Variants in WDR7 observed in about 807,000 individuals in gnomAD.
WDR7 encodes the protein WD repeat-containing protein 7.
A neutral mutation model predicts 169.4 loss-of-function variants in WDR7; 46 were observed. The observed-to-expected ratio is 0.27, with a 90% CI of 0.21 to 0.35. The LOEUF (loss-of-function observed/expected upper bound fraction) is 0.35, where lower values mean the gene tolerates loss of function less well. WDR7 is among the 10% of genes least tolerant of loss of function. The pLI is 1.00. For synonymous variants in WDR7, 612 were observed against 666.8 expected (o/e 0.92, Z 1.27); for missense variants, 1,534 against 1,859.3 (o/e 0.83, Z 3.22).
At chr18:56,849,744 CT>C in intron 20 of WDR7, among the ~76,000 whole-genome samples, 1 of 152,034 alleles carries the variant, frequency 6.6e-6, no homozygotes, top group Non-Finnish European at 1.5e-5. Flanking sequence ...TTTCCAATAG[CT>C]TTTTTAAAAC....
At chr18:56,779,637 A>G in intron 18 of WDR7, 88 bp downstream of exon 18, 1 of 925,890 alleles carries the variant, frequency 1.1e-6, no homozygotes, top group Non-Finnish European at 1.6e-6. Context: ...ATTACTGTTT[A>G]TCTGATTTAT....
chr18:56,660,187 G>A (rs1293279624), intron 1 of WDR7, among the ~76,000 whole-genome samples: 1 of 152,102 alleles, frequency 6.6e-6, no homozygotes, highest in East Asian at 1.9e-4. Context: ...TGTGGGAGGG[G>A]CACCATTGAG....
chr18:56,669,777 AT>A lies in WDR7; in HGVS notation c.-19-2712del, dbSNP rs564396154. Among the ~76,000 whole-genome samples the A allele has an allele frequency of 8.9e-3, 1,347 of 152,038 alleles. 20 individuals are homozygous for A. Among genetic ancestry groups the A allele is most frequent in the African/African-American group, 0.031 (1,288 of 41,482 alleles). On this transcript the variant is annotated intron_variant, in intron 1 of 27. Transcript: ENST00000254442. ...TTTTGGCACTTTCCATAAAAATATA[AT>A]TTTTTTTATCCCAATAAATCCTGTC...
intron 14 of WDR7, among the ~76,000 whole-genome samples, chr18:56,749,050 C>G (rs2043747297): frequency 6.6e-6 from 1 of 151,834 alleles, no homozygotes; most frequent in Non-Finnish European, 1.5e-5. Flanking sequence ...TTTCCCTTAG[C>G]TATTTAAAAA....
chr18:56,799,823 AC>A (rs112075748), intron 19 of WDR7, among the ~76,000 whole-genome samples: 23,102 of 152,106 alleles, frequency 0.15, 2,418 homozygotes, highest in African/African-American at 0.3. Flanking sequence ...TATTCATTTA[AC>A]CTCCTTTAAA....
intron 20 of WDR7, among the ~76,000 whole-genome samples, chr18:56,824,562 A>C (rs1342373483): frequency 6.6e-6 from 1 of 152,200 alleles, no homozygotes; most frequent in Non-Finnish European, 1.5e-5. Flanking sequence ...CACATTTGCT[A>C]TATCCTTCCT....
intron 12 of WDR7, among the ~76,000 whole-genome samples, chr18:56,713,760 G>T (rs2144722506): frequency 6.6e-6 from 1 of 152,272 alleles, no homozygotes; most frequent in Non-Finnish European, 1.5e-5. Context: ...CAGATCTCTA[G>T]AATTTAATAA....
intron 19 of WDR7, among the ~76,000 whole-genome samples, chr18:56,786,182 GA>G (rs1038345374): frequency 6.6e-6 from 1 of 152,020 alleles, no homozygotes; most frequent in Non-Finnish European, 1.5e-5. Flanking sequence ...CACTGGGGAA[GA>G]AAAAGGAGCA....
chr18:56,691,441 A>C, intron 8 of WDR7, 80 bp downstream of exon 8: 2 of 1,395,620 alleles, frequency 1.4e-6, no homozygotes, highest in South Asian at 1.6e-5. Flanking sequence ...CTTTAAGAAA[A>C]TGTATGTATT....
chr18:56,975,477 G>A (rs2047552658), intron 26 of WDR7, among the ~76,000 whole-genome samples: 1 of 152,104 alleles, frequency 6.6e-6, no homozygotes, highest in Non-Finnish European at 1.5e-5. Context: ...ATGGTTAGGA[G>A]GAATGAGATT....
At chr18:56,998,876 T>C (rs1472046391) in intron 26 of WDR7, among the ~76,000 whole-genome samples, 1 of 152,220 alleles carries the variant, frequency 6.6e-6, no homozygotes, top group Admixed American at 6.5e-5. Flanking sequence ...AAATACTGAA[T>C]ACTTAAGAAA....
chr18:56,859,843 C>G (rs1203632428), intron 20 of WDR7, among the ~76,000 whole-genome samples: 2 of 152,066 alleles, frequency 1.3e-5, no homozygotes, highest in African/African-American at 4.8e-5. Flanking sequence ...CCGGGTAGTC[C>G]GGCTCTTCAC....
intron 26 of WDR7, among the ~76,000 whole-genome samples, chr18:56,984,481 C>T (rs2047686464): frequency 6.6e-6 from 1 of 152,124 alleles, no homozygotes; most frequent in Non-Finnish European, 1.5e-5. Context: ...TAATGATAAA[C>T]ATGAGCATGA....
At chr18:56,806,443 A>C (rs1463753420) in intron 19 of WDR7, among the ~76,000 whole-genome samples, 1 of 152,142 alleles carries the variant, frequency 6.6e-6, no homozygotes, top group Non-Finnish European at 1.5e-5. Flanking sequence ...AAACTTCTGT[A>C]AAACATGTGG....
chr18:56,695,651 C>A (rs1008163375), intron 11 of WDR7, among the ~76,000 whole-genome samples: 1 of 151,820 alleles, frequency 6.6e-6, no homozygotes, highest in Admixed American at 6.6e-5. Flanking sequence ...AGTTCTCCTG[C>A]ACAGCCCCCC....
chr18:56,877,460 A>T (rs2046039521), intron 20 of WDR7, among the ~76,000 whole-genome samples: 1 of 152,192 alleles, frequency 6.6e-6, no homozygotes, highest in Non-Finnish European at 1.5e-5. Context: ...TCAAGGAATG[A>T]TGGAAGGGGG....
intron 14 of WDR7, among the ~76,000 whole-genome samples, chr18:56,748,248 G>A (rs758947180): frequency 2.9e-4 from 44 of 152,222 alleles, no homozygotes; most frequent in Middle Eastern, 6.8e-3. Context: ...GAAGATAGAA[G>A]GATTGATACT....
At chr18:56,708,682 C>T (rs868098164) in intron 12 of WDR7, among the ~76,000 whole-genome samples, 4 of 152,120 alleles carry the variant, frequency 2.6e-5, no homozygotes, top group African/African-American at 4.8e-5. Flanking sequence ...CGCCTGTGAT[C>T]CCAGCACTTT....
intron 21 of WDR7, among the ~76,000 whole-genome samples, chr18:56,893,262 A>G (rs1568252458): frequency 6.6e-6 from 1 of 151,726 alleles, no homozygotes; most frequent in Admixed American, 6.6e-5. Context: ...TAGTTTTCTG[A>G]CAGTCCTGCA....
Sources: gnomAD v4.1 joint callset for allele counts (sites outside exome capture counted in the v4.1 genomes callset) on GRCh38, gnomAD v4.1.1 for gene constraint, MANE v1.5 for transcripts, NCBI Gene and HGNC (gene_info 2026-07-23, HGNC 2026-07-21) for gene names.